CEBPG: variants seen among roughly 807,000 people sequenced by gnomAD.
The protein encoded by CEBPG is CCAAT enhancer binding protein gamma.
CEBPG carries 6 observed loss-of-function variants against 11.1 expected under a neutral mutation model. The observed-to-expected ratio is 0.54, with a 90% confidence interval of 0.30 to 1.07. The LOEUF is 1.07. Ranked by LOEUF, CEBPG falls within the 50% of genes least tolerant of loss-of-function variation. The pLI, the probability that CEBPG is intolerant of heterozygous loss-of-function variation, is 0.07. For missense variants in CEBPG, 161 were observed against 187.4 expected (o/e 0.86, Z 0.82); for synonymous variants, 66 against 71.0 (o/e 0.93, Z 0.36).
intron 1 of CEBPG, among the ~76,000 whole-genome samples, chr19:33,378,193 T>C (rs972141843): frequency 2.0e-5 from 3 of 152,224 alleles, no homozygotes; most frequent in African/African-American, 7.2e-5. Context: ...GTAATCCACA[T>C]GTGACTGCTT....
Position 33,379,591 on chromosome 19 carries a change from C to G in CEBPG, c.352C>G (p.Leu118Val), listed in dbSNP as rs752690573. Reference protein sequence around the residue: ...IKLLTKELSVLKDLFLEHAHN... With the variant: ...IKLLTKELSVVKDLFLEHAHN... ...ATTGCTGACCAAGGAATTAAGTGTA[C>G]TCAAAGATTTGTTTCTTGAGCATGC... is the stretch of plus-strand genomic sequence containing the variant. Residue 118 changes from leucine (L) to valine (V), a missense_variant, in exon 2 of 2, where the codon CTC becomes GTC. Physicochemically the swap from Leu to Val is conservative, Grantham distance 32. Transcript: ENST00000284000. The G allele has an allele frequency of 6.2e-7, 1 of 1,614,078 alleles. No homozygotes were observed.
intron 1 of CEBPG, among the ~76,000 whole-genome samples, chr19:33,375,992 C>T (rs553507300): frequency 2.0e-5 from 3 of 152,180 alleles, no homozygotes; most frequent in East Asian, 3.9e-4. Flanking sequence ...ACCAGTGTCC[C>T]TGAGAGATGA....
intron 1 of CEBPG, among the ~76,000 whole-genome samples, chr19:33,376,970 G>A (rs912425135): frequency 1.7e-4 from 26 of 152,140 alleles, no homozygotes; most frequent in African/African-American, 6.3e-4. Flanking sequence ...TTATCTCCAA[G>A]TTTCTCTTTC....
Position 33,376,066 on chromosome 19 carries a change from T to G in CEBPG, c.-97+2171T>G, listed in dbSNP as rs182602520. 5.0e-3 allele frequency among the ~76,000 whole-genome samples: 767 copies of G among 151,968 alleles called. 5 individuals carry two copies. Among genetic ancestry groups the G allele is most frequent in the African/African-American group, 0.017 (697 of 41,364 alleles). ...AGGAAGAGTAGATGGGAAGTTTTTT[T>G]TTTGTTTGTTTTAGGTGGAATTGTC... is the stretch of plus-strand genomic sequence containing the variant. On this transcript the variant is annotated intron_variant, in intron 1 of 1. Coordinates refer to ENST00000284000, the MANE Select transcript of CEBPG (RefSeq NM_001806.4).
chr19:33,373,782 C>G lies in CEBPG; in HGVS notation c.-210C>G, dbSNP rs1467301628. The G allele has an allele frequency of 2.0e-5, 3 of 151,736 alleles. No individual in the cohort carries two copies. The East Asian group carries it at 5.8e-4, about 30-fold the overall frequency. The allele number at this position is 151,736 out of a possible 1,614,324, so 9.4% of individuals were successfully genotyped here. A position where few individuals can be genotyped will look rare whatever the true frequency, so the allele number is the denominator to read the frequency against. On this transcript the variant is annotated 5_prime_UTR_variant, in exon 1 of 2. Transcript: ENST00000284000. Reference sequence around the variant, plus strand: ...CGGGCGGAGGCTGCCGGTTTCGTAACCGTCGCTCCTCCTCGCTGACTCGCG... The same window carrying G: ...CGGGCGGAGGCTGCCGGTTTCGTAAGCGTCGCTCCTCCTCGCTGACTCGCG...
At chr19:33,378,007 A>G (rs1967932624) in intron 1 of CEBPG, among the ~76,000 whole-genome samples, 2 of 152,218 alleles carry the variant, frequency 1.3e-5, no homozygotes, top group Admixed American at 1.3e-4. Flanking sequence ...TTTTGTGAAA[A>G]GAGAACAGGA....
Position 33,373,856 on chromosome 19 carries a change from G to C in CEBPG, c.-136G>C, listed in dbSNP as rs1238322694. 6.6e-6 allele frequency: 1 copy of C among 151,766 alleles called. No individual in the cohort carries two copies. The highest frequency in any genetic ancestry group is 2.4e-5 in the African/African-American group (1 of 41,374). The allele number at this position is 151,766 out of a possible 1,614,324, so 9.4% of individuals were successfully genotyped here. On this transcript the variant is annotated 5_prime_UTR_variant, in exon 1 of 2. Transcript: ENST00000284000. ...GGGCCGCACCGCGCGGGGCCGCTCGGAGTGGAGGCCGCCTGGGGGCAGGCG... is the reference window on the plus strand; with the variant it reads ...GGGCCGCACCGCGCGGGGCCGCTCGCAGTGGAGGCCGCCTGGGGGCAGGCG...
chr19:33,379,626 T>A lies in CEBPG; in HGVS notation c.387T>A (p.Leu129=). Residue 129 remains leucine, a synonymous_variant, in exon 2 of 2, where the codon CTT becomes CTA. Transcript: ENST00000284000. Reference sequence around the variant, plus strand: ...TGTTTCTTGAGCATGCACACAACCTTGCAGACAACGTACAGTCCATTAGCA... The same window carrying A: ...TGTTTCTTGAGCATGCACACAACCTAGCAGACAACGTACAGTCCATTAGCA... The part of the protein sequence containing the change: ...KDLFLEHAHN[L]ADNVQSISTE... The A allele has an allele frequency of 6.2e-7, 1 of 1,614,152 alleles. No homozygotes were observed. Among genetic ancestry groups the A allele is most frequent in the Non-Finnish European group, 8.5e-7 (1 of 1,180,032 alleles).
intron 1 of CEBPG, among the ~76,000 whole-genome samples, chr19:33,378,116 C>T (rs77152611): frequency 0.038 from 5,827 of 152,308 alleles, 208 homozygotes; most frequent in East Asian, 0.2. Flanking sequence ...GAAGTGGCCT[C>T]ATGTTGATAG....
intron 1 of CEBPG, among the ~76,000 whole-genome samples, chr19:33,376,703 A>G (rs904107891): frequency 1.2e-4 from 18 of 152,212 alleles, no homozygotes; most frequent in Admixed American, 3.3e-4. Context: ...TGTAGCCTGA[A>G]CTTTGGAATA....
At chr19:33,377,841 G>C (rs1006843372) in intron 1 of CEBPG, among the ~76,000 whole-genome samples, 1 of 152,200 alleles carries the variant, frequency 6.6e-6, no homozygotes, top group Non-Finnish European at 1.5e-5. Context: ...TCAAAGCAAA[G>C]ATGTTTTTTA....
chr19:33,378,090 G>T (rs189993881), intron 1 of CEBPG, among the ~76,000 whole-genome samples: 169 of 152,346 alleles, frequency 1.1e-3, no homozygotes, highest in African/African-American at 3.9e-3. Flanking sequence ...ACCGTTCACT[G>T]AACTTAGTTT....
intron 1 of CEBPG, among the ~76,000 whole-genome samples, chr19:33,376,209 A>C (rs1967910465): frequency 6.6e-6 from 1 of 152,140 alleles, no homozygotes; most frequent in Admixed American, 6.5e-5. Flanking sequence ...AAGGGGAGGA[A>C]TATTGGGTTC....
At chr19:33,375,322 C>G (rs1967899227) in intron 1 of CEBPG, among the ~76,000 whole-genome samples, 1 of 152,068 alleles carries the variant, frequency 6.6e-6, no homozygotes, top group Non-Finnish European at 1.5e-5. Context: ...CAAATAGGAC[C>G]TCGTGGGGCT....
intron 1 of CEBPG, chr19:33,374,595 G>C (rs1967889990): frequency 6.6e-6 from 1 of 152,278 alleles, no homozygotes; most frequent in African/African-American, 2.4e-5. Context: ...GAGCGGAGCA[G>C]GGCCGACAGC....
At chr19:33,374,266 A>C (rs1051825424) in intron 1 of CEBPG, 2 of 151,838 alleles carry the variant, frequency 1.3e-5, no homozygotes, top group African/African-American at 4.8e-5. Context: ...GTGACCCGCC[A>C]GGCTCGCATT....
chr19:33,377,698 A>G (rs1967928251), intron 1 of CEBPG, among the ~76,000 whole-genome samples: 1 of 152,194 alleles, frequency 6.6e-6, no homozygotes, highest in Admixed American at 6.5e-5. Flanking sequence ...ATAGGCTTGG[A>G]GTGGATCGCC....
At position 33,381,310 on chromosome 19, in the gene CEBPG, C is replaced by A. The variant is rs1288813575; in HGVS notation, c.*1618C>A. 1 of 167,068 alleles carries A rather than the reference C, an allele frequency of 6.0e-6. No homozygotes were observed. Among genetic ancestry groups the A allele is most frequent in the Non-Finnish European group, 1.5e-5 (1 of 68,130 alleles). The allele number at this position is 167,068 out of a possible 1,614,324, so 10.3% of individuals were successfully genotyped here. A position where few individuals can be genotyped will look rare whatever the true frequency, so the allele number is the denominator to read the frequency against. On this transcript the variant is annotated 3_prime_UTR_variant, in exon 2 of 2. Transcript: ENST00000284000. ...CCTCCGGTTGGTGGAAGATTGCTGA[C>A]CGTGCCGTTTCTGGGCAGGAGAAGA...
At chr19:33,376,331 C>A (rs754949168) in intron 1 of CEBPG, among the ~76,000 whole-genome samples, 1 of 152,184 alleles carries the variant, frequency 6.6e-6, no homozygotes, top group East Asian at 1.9e-4. Context: ...TAACATTCTG[C>A]GCTTTCAGTG....
Sources: gnomAD v4.1 joint callset for allele counts (sites outside exome capture counted in the v4.1 genomes callset) on GRCh38, gnomAD v4.1.1 for gene constraint, MANE v1.5 for transcripts, NCBI Gene and HGNC (gene_info 2026-07-23, HGNC 2026-07-21) for gene names.